Variants in PRELID2 observed in about 807,000 individuals in gnomAD.
PRELID2 encodes PRELI domain-containing protein 2.
PRELID2 carries 25 observed loss-of-function variants against 28.4 expected under a neutral mutation model. That is an observed-to-expected ratio of 0.88 (90% confidence interval 0.64 to 1.23). The LOEUF (loss-of-function observed/expected upper bound fraction) is 1.23. PRELID2 is among the 50% of genes most tolerant of loss of function. PRELID2 has a pLI of 0.00. For missense variants in PRELID2, 201 were observed against 214.4 expected (o/e 0.94, Z 0.39); for synonymous variants, 76 against 71.6 (o/e 1.06, Z -0.31).
intron 1 of PRELID2, among the ~76,000 whole-genome samples, chr5:145,566,798 C>A (rs1452228246): frequency 1.4e-5 from 2 of 147,822 alleles, no homozygotes; most frequent in Non-Finnish European, 3.0e-5. Flanking sequence ...CAAGATCACA[C>A]CACTGCACTC....
the PRELID2 span, among the ~76,000 whole-genome samples, chr5:145,367,250 C>G: frequency 2.0e-5 from 3 of 151,888 alleles, no homozygotes; most frequent in Non-Finnish European, 4.4e-5. Flanking sequence ...TACTATTGTT[C>G]TAATTTAGTT....
chr5:145,702,718 A>C (rs187485679), intron 1 of PRELID2, among the ~76,000 whole-genome samples: 5 of 152,260 alleles, frequency 3.3e-5, no homozygotes, highest in African/African-American at 1.2e-4. Context: ...GGTCACAAAA[A>C]TTTGGCTGCT....
At chr5:145,728,670 T>C (rs1756247288) in intron 1 of PRELID2, 7 of 1,521,094 alleles carry the variant, frequency 4.6e-6, no homozygotes, top group South Asian at 2.3e-5. Context: ...TTTGTGGTTA[T>C]AGTTGATGAC....
the PRELID2 span, among the ~76,000 whole-genome samples, chr5:145,256,027 A>C: frequency 6.6e-6 from 1 of 152,044 alleles, no homozygotes; most frequent in East Asian, 1.9e-4. Flanking sequence ...TAACAAACTT[A>C]GTAGCTAAAA....
intron 1 of PRELID2, among the ~76,000 whole-genome samples, chr5:145,648,174 A>G (rs1754229131): frequency 6.6e-6 from 1 of 152,242 alleles, no homozygotes. Context: ...TAAACAAAAG[A>G]GTACCTTCTG....
chr5:145,606,528 G>T (rs955259844), intron 1 of PRELID2, among the ~76,000 whole-genome samples: 3 of 151,812 alleles, frequency 2.0e-5, no homozygotes, highest in African/African-American at 4.8e-5. Context: ...GAGATAATGT[G>T]GTTTTTGATT....
chr5:145,311,049 A>C, the PRELID2 span, among the ~76,000 whole-genome samples: 1 of 152,186 alleles, frequency 6.6e-6, no homozygotes, highest in East Asian at 1.9e-4. Flanking sequence ...CTGATGTATA[A>C]GTAAAATCGG....
intron 5 of PRELID2, among the ~76,000 whole-genome samples, chr5:145,786,751 A>G (rs144411917): frequency 7.9e-4 from 121 of 152,332 alleles, no homozygotes; most frequent in Admixed American, 2.2e-3. Context: ...CAAATGTCTC[A>G]AGGTTTTTCA....
At chr5:145,394,137 T>C in the PRELID2 span, among the ~76,000 whole-genome samples, 1 of 152,118 alleles carries the variant, frequency 6.6e-6, no homozygotes, top group Non-Finnish European at 1.5e-5. Flanking sequence ...TACATGTATG[T>C]TTATAGCGGC....
the PRELID2 span, among the ~76,000 whole-genome samples, chr5:145,290,294 T>A: frequency 6.6e-5 from 10 of 152,116 alleles, no homozygotes; most frequent in African/African-American, 2.2e-4. Context: ...TAAAGACATA[T>A]GCACACGTAT....
chr5:145,596,890 T>C (rs1753314541), intron 1 of PRELID2, among the ~76,000 whole-genome samples: 1 of 152,190 alleles, frequency 6.6e-6, no homozygotes, highest in Non-Finnish European at 1.5e-5. Context: ...TGCTCACTAA[T>C]GGCTTGTCCT....
the PRELID2 span, among the ~76,000 whole-genome samples, chr5:145,298,426 G>A: frequency 5.5e-3 from 840 of 152,246 alleles, 5 homozygotes; most frequent in Admixed American, 0.011. Flanking sequence ...TATGTAGAAA[G>A]CTGAAACTGG....
At chr5:145,556,415 A>G (rs1008676506) in intron 1 of PRELID2, among the ~76,000 whole-genome samples, 8 of 152,028 alleles carry the variant, frequency 5.3e-5, no homozygotes, top group Non-Finnish European at 8.8e-5. Context: ...CTCACATCCA[A>G]TATCACCAAA....
intron 1 of PRELID2, among the ~76,000 whole-genome samples, chr5:145,484,746 A>C (rs116286322): frequency 0.01 from 1,585 of 152,356 alleles, 28 homozygotes; most frequent in African/African-American, 0.036. Context: ...AGTTAAGAAA[A>C]AACTACCTCT....
the PRELID2 span, among the ~76,000 whole-genome samples, chr5:145,249,879 A>T: frequency 6.6e-6 from 1 of 151,034 alleles, no homozygotes; most frequent in Non-Finnish European, 1.5e-5. Flanking sequence ...GGGGAGTGGG[A>T]GGGTTCCATT....
chr5:145,573,751 G>A (rs1753035942), intron 1 of PRELID2, among the ~76,000 whole-genome samples: 1 of 152,126 alleles, frequency 6.6e-6, no homozygotes, highest in Admixed American at 6.6e-5. Context: ...GTCTATCACT[G>A]ATGGGCATTT....
chr5:145,599,961 A>G (rs1277171604), intron 1 of PRELID2, among the ~76,000 whole-genome samples: 2 of 152,186 alleles, frequency 1.3e-5, no homozygotes, highest in African/African-American at 2.4e-5. Context: ...TTCTAATCCA[A>G]TAATTTCAAT....
the PRELID2 span, among the ~76,000 whole-genome samples, chr5:145,302,417 C>T: frequency 6.6e-6 from 1 of 152,006 alleles, no homozygotes; most frequent in South Asian, 2.1e-4. Context: ...GGATTACAGT[C>T]GTGAGCCACC....
chr5:145,694,561 T>C (rs1755217118), intron 1 of PRELID2, among the ~76,000 whole-genome samples: 1 of 152,240 alleles, frequency 6.6e-6, no homozygotes, highest in Non-Finnish European at 1.5e-5. Flanking sequence ...AAATTTATTG[T>C]ATTTGAAGAA....
Sources: gnomAD v4.1 joint callset for allele counts (sites outside exome capture counted in the v4.1 genomes callset) on GRCh38, gnomAD v4.1.1 for gene constraint, MANE v1.5 for transcripts, NCBI Gene and HGNC (gene_info 2026-07-23, HGNC 2026-07-21) for gene names.